The following NFIA variants were observed in gnomAD, a reference collection of about 807,000 sequenced individuals.
NFIA encodes the protein nuclear factor I A, also known as nuclear factor 1 A-type.
In NFIA, 8 loss-of-function variants were observed where a neutral mutation model predicts 62.8. The ratio of observed to expected loss-of-function variants is 0.13; its 90% confidence interval spans 0.07 to 0.23. The LOEUF is 0.23. NFIA is among the 10% of genes least tolerant of loss of function. The pLI is 1.00. For missense variants in NFIA, 410 were observed against 642.1 expected (o/e 0.64, Z 3.91); for synonymous variants, 235 against 238.1 (o/e 0.99, Z 0.12).
In NFIA at chr1:61,088,439, C is replaced by T. The variant is rs779283255; in HGVS notation, c.318C>T (p.Ser106=). 2.5e-5 allele frequency: 40 copies of T among 1,613,830 alleles called. No individual in the cohort carries two copies. The highest frequency in any genetic ancestry group is 1.3e-5 in the African/African-American group (1 of 74,838). ...AAAAACCTCCATGTTGTGTTCTTTC[C>T]AACCCAGACCAGAAAGGCAAGATGC... ...TGKKPPCCVL[S]NPDQKGKMRR... The change falls in exon 2 of 11, where the codon TCC becomes TCT. Residue 106 remains serine, a synonymous_variant. Transcript: ENST00000403491. This position sits in a 1 kb window ranked among gnomAD's most constrained non-coding sequence, Gnocchi z 4.5.
chr1:61,282,472 C>G (rs1658195552), intron 3 of NFIA, among the ~76,000 whole-genome samples: 1 of 152,278 alleles, frequency 6.6e-6, no homozygotes, highest in Admixed American at 6.5e-5. Flanking sequence ...TTTAAAATGC[C>G]TGCCTGATAT....
intron 2 of NFIA, among the ~76,000 whole-genome samples, chr1:61,238,568 G>C (rs960522166): frequency 2.6e-5 from 4 of 152,150 alleles, no homozygotes; most frequent in African/African-American, 9.7e-5. Flanking sequence ...CTTGGTTTCA[G>C]CTTGAATTAT....
chr1:61,195,060 G>C (rs1651898559), intron 2 of NFIA, among the ~76,000 whole-genome samples: 1 of 131,160 alleles, frequency 7.6e-6, no homozygotes, highest in South Asian at 2.6e-4. Flanking sequence ...ACCACCTCTT[G>C]TTGTATGTTA....
chr1:61,212,324 T>C (rs1043655669), intron 2 of NFIA, among the ~76,000 whole-genome samples: 2 of 152,182 alleles, frequency 1.3e-5, no homozygotes, highest in African/African-American at 4.8e-5. Flanking sequence ...ATAAATTACA[T>C]TTACTCCAAG....
intron 5 of NFIA, among the ~76,000 whole-genome samples, chr1:61,358,271 G>T (rs1663069777): frequency 6.6e-6 from 1 of 150,984 alleles, no homozygotes. Flanking sequence ...GACTAGCTGT[G>T]CAGTAAATGT....
intron 2 of NFIA, among the ~76,000 whole-genome samples, chr1:61,261,368 T>G (rs183292636): frequency 3.3e-5 from 5 of 152,348 alleles, no homozygotes; most frequent in Admixed American, 3.3e-4. Context: ...GTTTTCACTT[T>G]CAGTACAGTA....
chr1:61,428,382 ATTTTTTTT>A (rs34309622), intron 10 of NFIA, among the ~76,000 whole-genome samples: 2 of 135,940 alleles, frequency 1.5e-5, no homozygotes, highest in African/African-American at 2.7e-5. Context: ...CTGGAACTGA[ATTTTTTTT>A]TTTTTTTTTT....
In NFIA at chr1:61,462,014, G is replaced by T. The variant is rs1668549770; in HGVS notation, c.*6694G>T. The T allele has an allele frequency of 7.9e-6, 1 of 125,816 alleles. No individual in the cohort carries two copies. The highest frequency in any genetic ancestry group is 1.7e-5 in the Non-Finnish European group (1 of 60,498). 7.8% of individuals were successfully genotyped at this position (125,816 alleles called of 1,614,324 possible). On this transcript the variant is annotated 3_prime_UTR_variant, in exon 11 of 11. Transcript: ENST00000403491. ...TTTTTTGATAATAGTCTGTAAGTTA[G>T]CCTTTTTGGGTTTTTTTTTTTTTTT... is the stretch of plus-strand genomic sequence containing the variant.
chr1:61,117,114 G>T lies in NFIA; in HGVS notation c.559+28434G>T, dbSNP rs1283587175. Among the ~76,000 whole-genome samples the T allele has an allele frequency of 2.6e-5, 4 of 152,274 alleles. No individual in the cohort carries two copies. In the East Asian group the frequency reaches 7.7e-4, roughly 29 times the overall value. On this transcript the variant is annotated intron_variant, in intron 2 of 10. Coordinates refer to ENST00000403491, the MANE Select transcript of NFIA (RefSeq NM_001134673.4). The stretch of plus-strand genomic sequence containing the variant: ...TGAATATAGCAGAATTAGTTTAATT[G>T]TTCAATTTCACCCTCTCCAGCATGA...
In NFIA at chr1:61,455,745, G is replaced by T; in HGVS notation, c.*425G>T. On this transcript the variant is annotated 3_prime_UTR_variant, in exon 11 of 11. Transcript: ENST00000403491. ...TACCCACACAGGTGTGATCCTCCTT[G>T]AGCATTGAGGAGGCACATGGAGAAC... The T allele has an allele frequency of 4.9e-6, 1 of 204,818 alleles. No homozygotes were observed. Among genetic ancestry groups the T allele is most frequent in the Non-Finnish European group, 9.7e-6 (1 of 103,084 alleles). 12.7% of individuals were successfully genotyped at this position (204,818 alleles called of 1,614,324 possible). A position where few individuals can be genotyped will look rare whatever the true frequency, so the allele number is the denominator to read the frequency against.
At chr1:61,357,074 G>A (rs1374807229) in intron 5 of NFIA, among the ~76,000 whole-genome samples, 5 of 152,182 alleles carry the variant, frequency 3.3e-5, no homozygotes, top group Admixed American at 6.5e-5. Context: ...AAGTCCAGAC[G>A]TGCAATATCT....
chr1:61,172,830 A>G (rs1057310823), intron 2 of NFIA, among the ~76,000 whole-genome samples: 1 of 152,178 alleles, frequency 6.6e-6, no homozygotes, highest in African/African-American at 2.4e-5. Flanking sequence ...TTTCTTGGTT[A>G]TTTATAACAT....
intron 7 of NFIA, among the ~76,000 whole-genome samples, chr1:61,391,414 A>G (rs991833309): frequency 6.8e-6 from 1 of 147,972 alleles, no homozygotes; most frequent in African/African-American, 2.5e-5. Flanking sequence ...ACAAGGTTAA[A>G]CCCCACTTCT....
chr1:61,447,016 A>G (rs943469012), intron 10 of NFIA, among the ~76,000 whole-genome samples: 5 of 152,206 alleles, frequency 3.3e-5, no homozygotes, highest in Non-Finnish European at 7.3e-5. Context: ...GACAACAGGC[A>G]TTTAATTAAA....
chr1:61,359,286 G>T lies in NFIA; in HGVS notation c.946+12G>T. The T allele has an allele frequency of 6.2e-7, 1 of 1,612,178 alleles. No individual in the cohort carries two copies. The highest frequency in any genetic ancestry group is 1.1e-5 in the South Asian group (1 of 90,994). The stretch of plus-strand genomic sequence containing the variant: ...TGAAGTGGAGCCAGGTAAGCAGAGT[G>T]GCGGCACGGGCATGTGGCTAACACT... On this transcript the variant is annotated intron_variant, in intron 6 of 10. Transcript: ENST00000403491.
chr1:61,435,671 G>C (rs1426337272), intron 10 of NFIA, among the ~76,000 whole-genome samples: 1 of 152,130 alleles, frequency 6.6e-6, no homozygotes, highest in East Asian at 1.9e-4. Context: ...TTAATCTCTA[G>C]CTGCAAAGGA....
At chr1:61,082,437 G>A (rs979499245), upstream of NFIA, 6 of 1,029,542 alleles carry the variant, frequency 5.8e-6, no homozygotes, top group African/African-American at 7.0e-5. Flanking sequence ...CGGAGGCGGA[G>A]GCGGGCGCGC....
intron 3 of NFIA, among the ~76,000 whole-genome samples, chr1:61,279,234 A>G (rs919669125): frequency 6.6e-6 from 1 of 152,176 alleles, no homozygotes; most frequent in Non-Finnish European, 1.5e-5. Context: ...CACATTAGCT[A>G]TCCTATCACT....
chr1:61,219,060 C>T (rs895448197), intron 2 of NFIA, among the ~76,000 whole-genome samples: 1 of 151,986 alleles, frequency 6.6e-6, no homozygotes, highest in Non-Finnish European at 1.5e-5. Flanking sequence ...GGAGAAACCC[C>T]GTCTCTACTA....
Sources: allele counts gnomAD v4.1 joint callset (sites outside exome capture counted in the v4.1 genomes callset), GRCh38; gene constraint gnomAD v4.1.1; non-coding constraint Gnocchi (gnomAD v3.1); transcripts MANE v1.5; gene names NCBI Gene and HGNC (gene_info 2026-07-23, HGNC 2026-07-21).